Variants in KNOP1 observed in about 807,000 individuals in gnomAD.
KNOP1 encodes the protein lysine-rich nucleolar protein 1.
KNOP1 carries 20 observed loss-of-function variants against 30.6 expected under a neutral mutation model. The ratio of observed to expected loss-of-function variants is 0.65; its 90% CI spans 0.46 to 0.95. The LOEUF is 0.95. Ranked by LOEUF, KNOP1 falls within the 40% of genes least tolerant of loss-of-function variation. The pLI is 0.00. For synonymous variants in KNOP1, 204 were observed against 210.0 expected, an observed-to-expected ratio of 0.97 and a Z score of 0.25; for missense variants, 540 against 562.0, an observed-to-expected ratio of 0.96 and a Z score of 0.40.
At chr16:19,717,611 T>C in intron 1 of KNOP1, 1 of 985,542 alleles carries the variant, frequency 1.0e-6, no homozygotes, top group Non-Finnish European at 1.2e-6. Context: ...ATGCATTCAC[T>C]CTTTCAAGGA....
At chr16:19,713,808 C>T (rs2074037) in intron 2 of KNOP1, among the ~76,000 whole-genome samples, 31,208 of 151,968 alleles carry the variant, frequency 0.21, 3,574 homozygotes, top group African/African-American at 0.28. Context: ...AAAAATTGAT[C>T]CCAGTTAATT....
intron 1 of KNOP1, among the ~76,000 whole-genome samples, chr16:19,717,089 C>T (rs972625025): frequency 3.3e-5 from 5 of 152,178 alleles, no homozygotes; most frequent in Admixed American, 6.5e-5. Context: ...GTGATCCGCC[C>T]GCCTCATCCT....
chr16:19,703,147 G>C lies in KNOP1; in HGVS notation c.*3763C>G, dbSNP rs1976231462. 6.6e-6 allele frequency: 1 copy of C among 152,186 alleles called. No individual in the cohort carries two copies. The highest frequency in any genetic ancestry group is 1.5e-5 in the Non-Finnish European group (1 of 68,062). The allele number at this position is 152,186 out of a possible 1,614,324, so 9.4% of individuals were successfully genotyped here. On this transcript the variant is annotated 3_prime_UTR_variant, in exon 5 of 5. Coordinates refer to ENST00000219837, the MANE Select transcript of KNOP1 (RefSeq NM_001012991.3). ...CATCTGACGGTTCTATAGGTCTTAA[G>C]TCCGCCTGGTCTCACTGAGCTAAAA...
chr16:19,707,315 T>C (rs1405297672), intron 4 of KNOP1, 94 bp from the exon 5 acceptor site: 2 of 963,490 alleles, frequency 2.1e-6, no homozygotes, highest in Non-Finnish European at 3.2e-6. Context: ...CCCAGCAGAT[T>C]AGATGGCTGC....
rs1235752255 is a variant in KNOP1 at position 19,703,871 on chromosome 16, AT to A, written c.*3038del. On this transcript the variant is annotated 3_prime_UTR_variant, in exon 5 of 5. Transcript: ENST00000219837. ...GGTGAGACGTAAAGTTCTTATGTAT[AT>A]AGAAAAGCAATAAAGCTCCCCCTGT... is the stretch of plus-strand genomic sequence containing the variant. The A allele has an allele frequency of 6.6e-6, 1 of 152,204 alleles. No homozygotes were observed. The highest frequency in any genetic ancestry group is 2.4e-5 in the African/African-American group (1 of 41,440). 9.4% of individuals were successfully genotyped at this position (152,204 alleles called of 1,614,324 possible). A position where few individuals can be genotyped will look rare whatever the true frequency, so the allele number is the denominator to read the frequency against.
Position 19,707,191 on chromosome 16 carries a change from C to T in KNOP1, c.1096G>A (p.Gly366Ser), listed in dbSNP as rs773998129. 7 of 1,613,398 alleles carry T rather than the reference C, an allele frequency of 4.3e-6. No individual in the cohort carries two copies. The Admixed American group carries it at 8.3e-5, about 19-fold the overall frequency. The change falls in exon 5 of 5, where the codon GGT becomes AGT. Residue 366 changes from glycine to serine, a missense_variant. Transcript: ENST00000219837. ...AGTTTTTGGTCCTCGTTCTCAAAAC[C>T]AGCAGTATCCCACTGGCCAAACTGG... ...GTQFGQWDTA[G>S]FENEDQKLKF...
Position 19,705,348 on chromosome 16 carries a change from C to A in KNOP1, c.*1562G>T. ...ATCGTGAAAATGTCCCAGTCAGAAC[C>A]TGTATTTTGGGATGCAAAAAGCTAG... On this transcript the variant is annotated 3_prime_UTR_variant, in exon 5 of 5. Coordinates refer to ENST00000219837, the MANE Select transcript of KNOP1 (RefSeq NM_001012991.3). 2.3e-6 allele frequency: 1 copy of A among 436,904 alleles called. No individual in the cohort carries two copies. Among genetic ancestry groups the A allele is most frequent in the South Asian group, 1.6e-5 (1 of 61,732 alleles). The allele number at this position is 436,904 out of a possible 1,614,324, so 27.1% of individuals were successfully genotyped here. A position where few individuals can be genotyped will look rare whatever the true frequency, so the allele number is the denominator to read the frequency against.
In KNOP1 at chr16:19,716,842, A is replaced by C. The variant is rs184576769; in HGVS notation, c.-3+1316T>G. On this transcript the variant is annotated intron_variant, in intron 1 of 4. Transcript: ENST00000219837. ...CTAGCTAGATTGTTGGTAATCGTTTACTGCACCTAATTTTTTGTGAGACAA... is the reference window on the plus strand; with the variant it reads ...CTAGCTAGATTGTTGGTAATCGTTTCCTGCACCTAATTTTTTGTGAGACAA... Among the ~76,000 whole-genome samples the C allele has an allele frequency of 3.3e-5, 5 of 152,256 alleles. No individual in the cohort carries two copies. The East Asian group carries it at 9.6e-4, about 29-fold the overall frequency.
Position 19,705,193 on chromosome 16 carries a change from G to C in KNOP1, c.*1717C>G. The C allele has an allele frequency of 2.2e-6, 1 of 456,066 alleles. No homozygotes were observed. The highest frequency in any genetic ancestry group is 1.5e-5 in the South Asian group (1 of 64,558). 28.3% of individuals were successfully genotyped at this position (456,066 alleles called of 1,614,324 possible). Reference sequence around the variant, plus strand: ...TGAAGCCAACACTGGAGATGATGGAGAGAATGCTTCCTTGGCGAGCTGTTG... The same window carrying C: ...TGAAGCCAACACTGGAGATGATGGACAGAATGCTTCCTTGGCGAGCTGTTG... On this transcript the variant is annotated 3_prime_UTR_variant, in exon 5 of 5. Coordinates refer to ENST00000219837, the MANE Select transcript of KNOP1 (RefSeq NM_001012991.3).
chr16:19,713,575 G>A (rs1316764086), intron 2 of KNOP1, among the ~76,000 whole-genome samples: 2 of 152,170 alleles, frequency 1.3e-5, no homozygotes, highest in Non-Finnish European at 2.9e-5. Context: ...GGAGGTGGAG[G>A]AGGAGGATGG....
chr16:19,711,003 C>T (rs541761031), intron 3 of KNOP1, among the ~76,000 whole-genome samples: 1 of 152,016 alleles, frequency 6.6e-6, no homozygotes, highest in Admixed American at 6.5e-5. Context: ...ACGACAGAAG[C>T]GGAAGCTGAT....
In KNOP1 at chr16:19,718,164, G is replaced by T; in HGVS notation, c.-9C>A. 6.8e-7 allele frequency: 1 copy of T among 1,477,174 alleles called. No homozygotes were observed. 91.5% of individuals were successfully genotyped at this position (1,477,174 alleles called of 1,614,324 possible). A position where few individuals can be genotyped will look rare whatever the true frequency, so the allele number is the denominator to read the frequency against. On this transcript the variant is annotated 5_prime_UTR_variant, in exon 1 of 5. Transcript: ENST00000219837. ...AACGCGCCCTGGCACTCACCGGTGG[G>T]CGAAATTTCCCCGCCTCCACGTGAG...
intron 1 of KNOP1, 200 bp downstream of exon 1, chr16:19,717,958 T>C: frequency 8.0e-7 from 1 of 1,243,064 alleles, no homozygotes. Flanking sequence ...AGGGATTACG[T>C]GGGGTCCCAG....
Position 19,705,444 on chromosome 16 carries a change from CTTG to C in KNOP1, c.*1463_*1465del. On this transcript the variant is annotated 3_prime_UTR_variant, in exon 5 of 5. Transcript: ENST00000219837. ...CCACTGGACCTGGAGCTCTTTGAGG[CTTG>C]CTGTAGAGTCCAGGCTTGGAAACGC... The C allele has an allele frequency of 2.8e-6, 1 of 358,222 alleles. No individual in the cohort carries two copies. The highest frequency in any genetic ancestry group is 5.5e-6 in the Non-Finnish European group (1 of 181,148). 22.2% of individuals were successfully genotyped at this position (358,222 alleles called of 1,614,324 possible).
intron 1 of KNOP1, chr16:19,717,286 CTATTG>C (rs1977189924): frequency 3.0e-6 from 3 of 983,632 alleles, no homozygotes; most frequent in African/African-American, 1.8e-5. Flanking sequence ...GGGAGGGGGA[CTATTG>C]TATTGGCATT....
Position 19,718,141 on chromosome 16 carries a change from C to A in KNOP1, c.-3+17G>T. 1 of 1,447,308 alleles carries A rather than the reference C, an allele frequency of 6.9e-7. No individual in the cohort carries two copies. The highest frequency in any genetic ancestry group is 1.4e-5 in the South Asian group (1 of 69,004). 89.7% of individuals were successfully genotyped at this position (1,447,308 alleles called of 1,614,324 possible). A position where few individuals can be genotyped will look rare whatever the true frequency, so the allele number is the denominator to read the frequency against. Reference sequence around the variant, plus strand: ...ACACCCCGCGCCGGCCCGCCTGCAACGCGCCCTGGCACTCACCGGTGGGCG... The same window carrying A: ...ACACCCCGCGCCGGCCCGCCTGCAAAGCGCCCTGGCACTCACCGGTGGGCG... On this transcript the variant is annotated intron_variant, in intron 1 of 4. Transcript: ENST00000219837.
chr16:19,708,707 T>C (rs932554242), intron 4 of KNOP1, among the ~76,000 whole-genome samples: 1 of 152,186 alleles, frequency 6.6e-6, no homozygotes, highest in Non-Finnish European at 1.5e-5. Context: ...TAAGAACCAG[T>C]TGTCACTACA....
Position 19,701,937 on chromosome 16 carries a change from T to A in KNOP1, c.*4973A>T, listed in dbSNP as rs1188386348. ...TCATACAGAAACTCAGACAGCATTG[T>A]GGGGTGGCTCAGATACTCCCAAGTG... On this transcript the variant is annotated 3_prime_UTR_variant, in exon 5 of 5. Transcript: ENST00000219837. 1 of 152,244 alleles carries A rather than the reference T, an allele frequency of 6.6e-6. No homozygotes were observed. Among genetic ancestry groups the A allele is most frequent in the Non-Finnish European group, 1.5e-5 (1 of 68,070 alleles). The allele number at this position is 152,244 out of a possible 1,614,324, so 9.4% of individuals were successfully genotyped here.
At position 19,710,593 on chromosome 16, in the gene KNOP1, A is replaced by G. The variant is rs1976660180; in HGVS notation, c.988-7T>C. ...GCAAGGCCTTTCGCCTCACCTGAGCAAGAAGGATGACAGAAGAGGGCCGTC... is the reference window on the plus strand; with the variant it reads ...GCAAGGCCTTTCGCCTCACCTGAGCGAGAAGGATGACAGAAGAGGGCCGTC... On this transcript the variant is annotated splice_region_variant and splice_polypyrimidine_tract_variant and intron_variant, in intron 3 of 4. Transcript: ENST00000219837. 2 of 1,611,094 alleles carry G rather than the reference A, an allele frequency of 1.2e-6. No individual in the cohort carries two copies. Among genetic ancestry groups the G allele is most frequent in the South Asian group, 1.1e-5 (1 of 90,904 alleles).
Sources: allele counts gnomAD v4.1 joint callset (sites outside exome capture counted in the v4.1 genomes callset), GRCh38; gene constraint gnomAD v4.1.1; transcripts MANE v1.5; gene names NCBI Gene and HGNC (gene_info 2026-07-23, HGNC 2026-07-21).